The following SLC49A4 variants were observed in gnomAD, a reference collection of about 807,000 sequenced individuals.
SLC49A4 encodes disrupted in renal cancer protein 2.
A neutral mutation model predicts 50.6 loss-of-function variants in SLC49A4; 36 were observed. That is an observed-to-expected ratio of 0.71 (90% CI 0.55 to 0.94). The LOEUF (loss-of-function observed/expected upper bound fraction) is 0.94. SLC49A4 is among the 40% of genes least tolerant of loss of function. The pLI is 0.00. For synonymous variants in SLC49A4, 248 were observed against 241.2 expected (o/e 1.03, Z -0.26); for missense variants, 503 against 605.7 (o/e 0.83, Z 1.78).
intron 2 of SLC49A4, among the ~76,000 whole-genome samples, chr3:122,811,448 G>A (rs1936297429): frequency 6.6e-6 from 1 of 152,196 alleles, no homozygotes; most frequent in Non-Finnish European, 1.5e-5. Context: ...GAGATGTGGG[G>A]AAAAACAGGC....
chr3:122,860,520 A>G (rs540697514), intron 7 of SLC49A4, among the ~76,000 whole-genome samples: 1 of 152,368 alleles, frequency 6.6e-6, no homozygotes, highest in East Asian at 1.9e-4. Context: ...TAGTCATTAT[A>G]TCACTGTTAA....
intron 6 of SLC49A4, among the ~76,000 whole-genome samples, chr3:122,858,004 C>T (rs1290346616): frequency 6.6e-6 from 1 of 152,156 alleles, no homozygotes; most frequent in Non-Finnish European, 1.5e-5. Context: ...TACCCTTACT[C>T]TGGGATCTGA....
intron 7 of SLC49A4, among the ~76,000 whole-genome samples, chr3:122,862,760 C>T (rs1937072843): frequency 6.6e-6 from 1 of 152,160 alleles, no homozygotes; most frequent in South Asian, 2.1e-4. Context: ...TAAGATAGTA[C>T]ATTCCATTAA....
At chr3:122,803,811 G>A (rs150033446) in intron 1 of SLC49A4, among the ~76,000 whole-genome samples, 174 of 152,328 alleles carry the variant, frequency 1.1e-3, no homozygotes, top group Non-Finnish European at 1.8e-3. Flanking sequence ...CCAGCAAAAG[G>A]AGTTATCACA....
At chr3:122,827,588 ATTATT>A (rs1200001595) in intron 3 of SLC49A4, among the ~76,000 whole-genome samples, 8 of 152,168 alleles carry the variant, frequency 5.3e-5, no homozygotes, top group South Asian at 2.1e-4. Flanking sequence ...TATTCTTTGA[ATTATT>A]TTATTTCTAG....
chr3:122,865,224 A>G (rs1430026257), intron 7 of SLC49A4, among the ~76,000 whole-genome samples: 1 of 152,240 alleles, frequency 6.6e-6, no homozygotes, highest in African/African-American at 2.4e-5. Flanking sequence ...TCTTAATGTA[A>G]GAATCATTAA....
At chr3:122,829,797 A>G (rs1477526123) in intron 3 of SLC49A4, among the ~76,000 whole-genome samples, 2 of 152,212 alleles carry the variant, frequency 1.3e-5, no homozygotes, top group African/African-American at 4.8e-5. Flanking sequence ...GTTATGAACA[A>G]GACAAGGATG....
chr3:122,843,040 C>G (rs1301227229), intron 4 of SLC49A4, among the ~76,000 whole-genome samples: 2 of 152,134 alleles, frequency 1.3e-5, no homozygotes, highest in African/African-American at 2.4e-5. Context: ...TTTCCTTCTC[C>G]CATTTCCCTC....
intron 2 of SLC49A4, among the ~76,000 whole-genome samples, chr3:122,823,461 T>C (rs1223041683): frequency 6.6e-6 from 1 of 152,258 alleles, no homozygotes; most frequent in African/African-American, 2.4e-5. Context: ...TCTTTTTCTT[T>C]ATATTCCTGC....
intron 8 of SLC49A4, among the ~76,000 whole-genome samples, chr3:122,875,730 C>T (rs563714004): frequency 6.6e-6 from 1 of 152,260 alleles, no homozygotes; most frequent in South Asian, 2.1e-4. Context: ...AACTTCCTGA[C>T]TAGGGTTTTT....
chr3:122,806,972 TC>T lies in SLC49A4; in HGVS notation c.437+23del, dbSNP rs1192674654. ...GAAGGTAAATCCTGTAAATAACATT[TC>T]TCCCCCATTTTTCATTTTATTATGT... On this transcript the variant is annotated intron_variant, in intron 2 of 8. Transcript: ENST00000261038. 4 of 1,389,060 alleles carry T rather than the reference TC, an allele frequency of 2.9e-6. No individual in the cohort carries two copies. In the East Asian group the frequency reaches 9.3e-5, roughly 32 times the overall value. 86.0% of individuals were successfully genotyped at this position (1,389,060 alleles called of 1,614,324 possible).
At chr3:122,836,834 C>T (rs1936694240) in intron 4 of SLC49A4, among the ~76,000 whole-genome samples, 1 of 152,170 alleles carries the variant, frequency 6.6e-6, no homozygotes. Flanking sequence ...AGCCCAAAAT[C>T]TCCTCAAGCT....
chr3:122,873,928 C>G (rs1204827429), intron 8 of SLC49A4, among the ~76,000 whole-genome samples: 1 of 152,184 alleles, frequency 6.6e-6, no homozygotes, highest in Non-Finnish European at 1.5e-5. Flanking sequence ...TGTGATCCCC[C>G]CTGGGATGGT....
chr3:122,816,393 G>A (rs1011153834), intron 2 of SLC49A4, among the ~76,000 whole-genome samples: 4 of 152,122 alleles, frequency 2.6e-5, no homozygotes, highest in African/African-American at 7.2e-5. Context: ...GAAACACAGA[G>A]TAATGTTCTG....
At chr3:122,823,127 C>G (rs566956398) in intron 2 of SLC49A4, among the ~76,000 whole-genome samples, 1 of 152,322 alleles carries the variant, frequency 6.6e-6, no homozygotes, top group African/African-American at 2.4e-5. Flanking sequence ...ACCCTGCCCT[C>G]TACCCTCTAG....
chr3:122,860,222 G>A lies in SLC49A4; in HGVS notation c.1138+20G>A, dbSNP rs1937044376. The A allele has an allele frequency of 1.3e-6, 2 of 1,560,532 alleles. No individual in the cohort carries two copies. Among genetic ancestry groups the A allele is most frequent in the South Asian group, 1.2e-5 (1 of 81,482 alleles). On this transcript the variant is annotated intron_variant, in intron 7 of 8. Coordinates refer to ENST00000261038, the MANE Select transcript of SLC49A4 (RefSeq NM_032839.3). ...CCACAGGTGAGCATAGGCTATTTTTGAACTTTTAATAAATATTTTCATTCA... is the reference window on the plus strand; with the variant it reads ...CCACAGGTGAGCATAGGCTATTTTTAAACTTTTAATAAATATTTTCATTCA...
chr3:122,865,044 T>A (rs1466437132), intron 7 of SLC49A4, among the ~76,000 whole-genome samples: 1 of 152,154 alleles, frequency 6.6e-6, no homozygotes, highest in Non-Finnish European at 1.5e-5. Context: ...TCAACATGTA[T>A]AGGCTAGAGA....
intron 4 of SLC49A4, among the ~76,000 whole-genome samples, chr3:122,838,486 C>T (rs1936722978): frequency 7.0e-6 from 1 of 142,972 alleles, no homozygotes; most frequent in Non-Finnish European, 1.5e-5. Context: ...TGTTCTCACT[C>T]ATAGGTGGGA....
intron 5 of SLC49A4, among the ~76,000 whole-genome samples, chr3:122,850,656 C>T (rs376962354): frequency 6.6e-6 from 1 of 151,976 alleles, no homozygotes; most frequent in African/African-American, 2.4e-5. Flanking sequence ...TACAGGTGCA[C>T]ACCACCACGC....
Sources: allele counts gnomAD v4.1 joint callset (sites outside exome capture counted in the v4.1 genomes callset), GRCh38; gene constraint gnomAD v4.1.1; transcripts MANE v1.5; gene names NCBI Gene and HGNC (gene_info 2026-07-23, HGNC 2026-07-21).